RELN: variants seen among roughly 807,000 people sequenced by gnomAD.
The protein encoded by RELN is reelin.
Under a neutral mutation model 427.6 loss-of-function variants are expected in RELN, and 108 were observed. The ratio of observed to expected loss-of-function variants is 0.25; its 90% CI spans 0.22 to 0.30. RELN has a LOEUF of 0.30. Among genes scored for constraint, RELN ranks in the 10% least tolerant of loss-of-function variants. The pLI is 1.00. For synonymous variants in RELN, 1,524 were observed against 1,513.4 expected (o/e 1.01, Z -0.16); for missense variants, 3,715 against 4,302.8 (o/e 0.86, Z 3.82).
At chr7:103,727,503 C>T (rs759875432) in intron 7 of RELN, among the ~76,000 whole-genome samples, 21 of 152,146 alleles carry the variant, frequency 1.4e-4, no homozygotes, top group Non-Finnish European at 2.8e-4. Context: ...AGTAGTTTTA[C>T]TTCTTTCCAT....
chr7:103,622,209 G>T (rs1031748964), intron 20 of RELN, among the ~76,000 whole-genome samples: 17 of 152,114 alleles, frequency 1.1e-4, no homozygotes, highest in African/African-American at 4.1e-4. Context: ...CTCTAACTTT[G>T]GAGAAATACA....
intron 8 of RELN, among the ~76,000 whole-genome samples, chr7:103,714,389 C>A (rs910356623): frequency 4.6e-5 from 7 of 152,160 alleles, no homozygotes; most frequent in Non-Finnish European, 1.5e-5. Context: ...GAGGGAAAAT[C>A]TACTGGGAAG....
At chr7:103,718,282 AT>A (rs1166027878) in intron 8 of RELN, among the ~76,000 whole-genome samples, 2 of 151,374 alleles carry the variant, frequency 1.3e-5, no homozygotes. Flanking sequence ...AGCATTTATG[AT>A]TTAATGACTT....
intron 2 of RELN, among the ~76,000 whole-genome samples, chr7:103,836,990 T>A (rs2116419475): frequency 6.6e-6 from 1 of 152,344 alleles, no homozygotes; most frequent in Middle Eastern, 3.4e-3. Context: ...TGCTTTCCTT[T>A]GAAAGGACTC....
chr7:103,789,378 G>T lies in RELN; in HGVS notation c.474-12751C>A, dbSNP rs542537273. Among the ~76,000 whole-genome samples, 26 of 152,242 alleles carry T rather than the reference G, an allele frequency of 1.7e-4. 1 individual carries two copies. In the South Asian group the frequency reaches 5.0e-3, roughly 29 times the overall value. ...GCTAAAGAGCTTCTGTAGAGCAAAA[G>T]AAACTATCATTAGAGTGAACAGGCA... On this transcript the variant is annotated intron_variant, in intron 3 of 64. Coordinates refer to ENST00000428762, the MANE Select transcript of RELN (RefSeq NM_005045.4).
intron 3 of RELN, among the ~76,000 whole-genome samples, chr7:103,790,894 G>A (rs146430172): frequency 3.3e-4 from 50 of 152,122 alleles, no homozygotes; most frequent in East Asian, 7.7e-4. Flanking sequence ...TCTGGGAGGC[G>A]GAGGTTGCAG....
At chr7:103,739,653 G>A (rs1790589680) in intron 6 of RELN, among the ~76,000 whole-genome samples, 1 of 152,164 alleles carries the variant, frequency 6.6e-6, no homozygotes, top group South Asian at 2.1e-4. Context: ...TTCACATGAA[G>A]GGATTTTGTT....
chr7:103,492,270 A>T (rs1828699744), intron 57 of RELN, among the ~76,000 whole-genome samples: 1 of 152,336 alleles, frequency 6.6e-6, no homozygotes, highest in South Asian at 2.1e-4. Flanking sequence ...AGTATAATAA[A>T]AAATTAATCA....
chr7:103,543,491 C>G (rs1830219714), intron 42 of RELN, among the ~76,000 whole-genome samples: 1 of 151,916 alleles, frequency 6.6e-6, no homozygotes, highest in Admixed American at 6.6e-5. Flanking sequence ...ACTAAAAATA[C>G]AAAAATTAGC....
rs57505374 is a variant in RELN at position 103,936,743 on chromosome 7, GACACACACAC to G, written c.227-19568_227-19559del. ...ACACACACAGACAGACAGACAGACA[GACACACACAC>G]ACACACACACACACACACACACTTT... On this transcript the variant is annotated intron_variant, in intron 1 of 64. Transcript: ENST00000428762. Among the ~76,000 whole-genome samples, 112 of 139,766 alleles carry G rather than the reference GACACACACAC, an allele frequency of 8.0e-4. 1 individual carries two copies. Among genetic ancestry groups the G allele is most frequent in the African/African-American group, 2.6e-3 (98 of 38,118 alleles). The allele number at this position is 139,766 out of a possible 152,430, so 91.7% of individuals were successfully genotyped here. A position where few individuals can be genotyped will look rare whatever the true frequency, so the allele number is the denominator to read the frequency against.
At chr7:103,963,919 T>C (rs1361832351) in intron 1 of RELN, among the ~76,000 whole-genome samples, 2 of 151,980 alleles carry the variant, frequency 1.3e-5, no homozygotes, top group East Asian at 3.9e-4. Flanking sequence ...TCCCAACACT[T>C]TGGAAAGTTG....
chr7:103,505,037 G>C (rs1829161733), intron 51 of RELN, among the ~76,000 whole-genome samples: 2 of 152,132 alleles, frequency 1.3e-5, no homozygotes, highest in South Asian at 4.1e-4. Context: ...CTCTGGGCAG[G>C]GCATCTCTGA....
chr7:103,689,589 G>A (rs1185216708), intron 10 of RELN, among the ~76,000 whole-genome samples: 8 of 151,996 alleles, frequency 5.3e-5, no homozygotes, highest in East Asian at 1.9e-4. Flanking sequence ...AAAGACGAGC[G>A]TAAACAAACA....
At chr7:103,952,145 G>T (rs1309115121) in intron 1 of RELN, among the ~76,000 whole-genome samples, 3 of 152,176 alleles carry the variant, frequency 2.0e-5, no homozygotes, top group Admixed American at 2.0e-4. Flanking sequence ...GCTTTTTAGA[G>T]CTTATTTAAC....
chr7:103,703,583 A>C (rs1186689025), intron 8 of RELN, among the ~76,000 whole-genome samples: 2 of 152,192 alleles, frequency 1.3e-5, no homozygotes, highest in African/African-American at 4.8e-5. Flanking sequence ...TGTAACAGGC[A>C]CTTCTTTACT....
chr7:103,699,883 T>A (rs1834055361), intron 9 of RELN, among the ~76,000 whole-genome samples: 1 of 152,138 alleles, frequency 6.6e-6, no homozygotes, highest in Non-Finnish European at 1.5e-5. Context: ...TTAAAATCCA[T>A]GAGTTAGAAA....
chr7:103,879,598 T>C (rs148283758), intron 2 of RELN, among the ~76,000 whole-genome samples: 42 of 152,324 alleles, frequency 2.8e-4, no homozygotes, highest in African/African-American at 9.6e-4. Flanking sequence ...AACATGTGAA[T>C]AGATCTGACA....
At chr7:103,884,395 C>T (rs537337814) in intron 2 of RELN, among the ~76,000 whole-genome samples, 1 of 152,288 alleles carries the variant, frequency 6.6e-6, no homozygotes, top group East Asian at 1.9e-4. Context: ...GTCTAAAACA[C>T]CAAAAGCAAT....
chr7:103,506,519 T>G (rs1829217139), intron 51 of RELN, among the ~76,000 whole-genome samples: 3 of 152,174 alleles, frequency 2.0e-5, no homozygotes, highest in Admixed American at 6.5e-5. Flanking sequence ...CTGAGAGATT[T>G]TTGTCACCAC....
Sources: gnomAD v4.1 joint callset for allele counts (sites outside exome capture counted in the v4.1 genomes callset) on GRCh38, gnomAD v4.1.1 for gene constraint, MANE v1.5 for transcripts, NCBI Gene and HGNC (gene_info 2026-07-23, HGNC 2026-07-21) for gene names.